BTBD9: variants seen among roughly 807,000 people sequenced by gnomAD.
BTBD9 encodes the protein BTB domain containing 9.
BTBD9 carries 49 observed loss-of-function variants against 64.3 expected under a neutral mutation model. The ratio of observed to expected loss-of-function variants is 0.76; its 90% CI spans 0.61 to 0.97. BTBD9 has a LOEUF of 0.97. Ranked by LOEUF, BTBD9 falls within the 50% of genes least tolerant of loss-of-function variation. The probability of loss-of-function intolerance (pLI) is 0.00; values close to 1 mark genes in which losing one functional copy is unlikely to be tolerated. For synonymous variants in BTBD9, 260 were observed against 274.7 expected (o/e 0.95, Z 0.53); for missense variants, 598 against 762.1 (o/e 0.78, Z 2.53).
At chr6:38,462,591 T>C (rs1770151474) in intron 6 of BTBD9, among the ~76,000 whole-genome samples, 2 of 152,232 alleles carry the variant, frequency 1.3e-5, no homozygotes, top group Non-Finnish European at 1.5e-5. Flanking sequence ...GTTTGTTTTT[T>C]TCAAATCCGT....
intron 7 of BTBD9, among the ~76,000 whole-genome samples, chr6:38,305,458 A>G (rs1762592023): frequency 6.6e-6 from 1 of 152,126 alleles, no homozygotes; most frequent in African/African-American, 2.4e-5. Context: ...TAGCTTTTAA[A>G]GACTATAAAA....
intron 6 of BTBD9, among the ~76,000 whole-genome samples, chr6:38,569,420 T>C (rs561568773): frequency 1.3e-5 from 2 of 152,320 alleles, no homozygotes; most frequent in South Asian, 4.1e-4. Context: ...TAGAAGGTGC[T>C]ACCTGAACTT....
intron 10 of BTBD9, among the ~76,000 whole-genome samples, chr6:38,190,459 ACT>A (rs1264461514): frequency 1.6e-5 from 2 of 123,748 alleles, no homozygotes; most frequent in Non-Finnish European, 3.3e-5. Flanking sequence ...ACAGAGTGAA[ACT>A]CTGTCTAAAA....
At chr6:38,379,663 C>T (rs997178222) in intron 6 of BTBD9, among the ~76,000 whole-genome samples, 16 of 152,182 alleles carry the variant, frequency 1.1e-4, no homozygotes, top group South Asian at 2.1e-4. Flanking sequence ...TATTTAGATG[C>T]TACTAGAAGG....
intron 6 of BTBD9, among the ~76,000 whole-genome samples, chr6:38,443,581 A>G (rs1265934466): frequency 6.6e-6 from 1 of 152,190 alleles, no homozygotes; most frequent in Admixed American, 6.5e-5. Flanking sequence ...ATTAGCAAGC[A>G]GGCAGCTGCT....
At chr6:38,413,288 C>T (rs1013006955) in intron 6 of BTBD9, among the ~76,000 whole-genome samples, 2 of 152,186 alleles carry the variant, frequency 1.3e-5, no homozygotes, top group Non-Finnish European at 2.9e-5. Context: ...TGAGGACAGA[C>T]TGGAGAACAT....
chr6:38,199,419 A>G lies in BTBD9; in HGVS notation c.1563-6822T>C, dbSNP rs144589995. 5.6e-3 allele frequency among the ~76,000 whole-genome samples: 850 copies of G among 152,266 alleles called. 2 individuals carry two copies. The highest frequency in any genetic ancestry group is 7.7e-3 in the Non-Finnish European group (523 of 68,024). ...TCTGTCCCTCTCTCCTTTCTTCCATAAATATTGATCAAGTCCTTACTATGG... is the reference window on the plus strand; with the variant it reads ...TCTGTCCCTCTCTCCTTTCTTCCATGAATATTGATCAAGTCCTTACTATGG... On this transcript the variant is annotated intron_variant, in intron 9 of 10. Transcript: ENST00000481247.
intron 7 of BTBD9, among the ~76,000 whole-genome samples, chr6:38,319,273 C>A (rs1376867983): frequency 1.3e-5 from 2 of 152,160 alleles, no homozygotes; most frequent in African/African-American, 2.4e-5. Context: ...AAGCTGGTAC[C>A]TAAGCTGCAA....
At chr6:38,347,150 G>A (rs1402432629) in intron 6 of BTBD9, among the ~76,000 whole-genome samples, 1 of 152,130 alleles carries the variant, frequency 6.6e-6, no homozygotes, top group Non-Finnish European at 1.5e-5. Context: ...TTTACCCAGT[G>A]CAAACATTAG....
chr6:38,639,439 G>C (rs761798560), intron 1 of BTBD9, among the ~76,000 whole-genome samples: 16 of 152,066 alleles, frequency 1.1e-4, no homozygotes, highest in Non-Finnish European at 2.1e-4. Context: ...CCGGGGTCCC[G>C]GGTTTCGCCT....
intron 4 of BTBD9, among the ~76,000 whole-genome samples, chr6:38,591,479 T>C (rs925521335): frequency 3.3e-5 from 5 of 152,158 alleles, no homozygotes; most frequent in African/African-American, 4.8e-5. Flanking sequence ...TTCATGGGAG[T>C]TTATGTCTTA....
intron 9 of BTBD9, among the ~76,000 whole-genome samples, chr6:38,209,145 C>T (rs1257204372): frequency 6.6e-6 from 1 of 152,126 alleles, no homozygotes; most frequent in East Asian, 1.9e-4. Flanking sequence ...CTGACAACAG[C>T]TGGAGATGAG....
chr6:38,374,296 T>TATATATAC (rs1491482634), intron 6 of BTBD9, among the ~76,000 whole-genome samples: 8 of 70,644 alleles, frequency 1.1e-4, no homozygotes, highest in Admixed American at 4.4e-4. Context: ...TATATATATA[T>TATATATAC]GTATATATAT....
At chr6:38,568,686 C>T (rs1269743619) in intron 6 of BTBD9, among the ~76,000 whole-genome samples, 1 of 152,228 alleles carries the variant, frequency 6.6e-6, no homozygotes, top group Non-Finnish European at 1.5e-5. Flanking sequence ...CATTTCCTCA[C>T]ATGCAGCATG....
At chr6:38,348,274 C>T (rs900947050) in intron 6 of BTBD9, among the ~76,000 whole-genome samples, 6 of 152,120 alleles carry the variant, frequency 3.9e-5, no homozygotes, top group African/African-American at 1.4e-4. Flanking sequence ...AACACCAAAA[C>T]GGGAGAAGTA....
intron 9 of BTBD9, among the ~76,000 whole-genome samples, chr6:38,195,586 T>C (rs1762249836): frequency 6.6e-6 from 1 of 152,182 alleles, no homozygotes; most frequent in Non-Finnish European, 1.5e-5. Flanking sequence ...TCTGACTGGA[T>C]GAACCGTTAC....
At chr6:38,583,126 G>T (rs1232261284) in intron 4 of BTBD9, among the ~76,000 whole-genome samples, 1 of 152,156 alleles carries the variant, frequency 6.6e-6, no homozygotes, top group East Asian at 1.9e-4. Flanking sequence ...TTCTTACTAG[G>T]CATAAAAAGT....
At chr6:38,494,395 G>T (rs373379552) in intron 6 of BTBD9, among the ~76,000 whole-genome samples, 2 of 152,130 alleles carry the variant, frequency 1.3e-5, no homozygotes, top group South Asian at 4.1e-4. Context: ...AAATCAAAGC[G>T]AAACAAAACA....
At chr6:38,549,059 A>G (rs1202336521) in intron 6 of BTBD9, among the ~76,000 whole-genome samples, 1 of 152,238 alleles carries the variant, frequency 6.6e-6, no homozygotes, top group African/African-American at 2.4e-5. Context: ...AGTGAAGGCT[A>G]TCTTCTTAAC....
Sources: allele counts gnomAD v4.1 joint callset (sites outside exome capture counted in the v4.1 genomes callset), GRCh38; gene constraint gnomAD v4.1.1; transcripts MANE v1.5; gene names NCBI Gene and HGNC (gene_info 2026-07-23, HGNC 2026-07-21).